ZFHX3: variants seen among roughly 807,000 people sequenced by gnomAD.
ZFHX3 encodes zinc finger homeobox protein 3.
A neutral mutation model predicts 279.1 loss-of-function variants in ZFHX3; 42 were observed. That is an observed-to-expected ratio of 0.15 (90% CI 0.12 to 0.19). The LOEUF is 0.19. Ranked by LOEUF, ZFHX3 falls within the 10% of genes least tolerant of loss-of-function variation. The pLI is 1.00. For synonymous variants in ZFHX3, 2,293 were observed against 1,957.8 expected (o/e 1.17, Z -4.52); for missense variants, 4,981 against 4,754.0 (o/e 1.05, Z -1.40).
rs199915988 is a variant in ZFHX3, at chr16:72,794,469, G to T, written c.8213C>A (p.Ala2738Asp). 4.3e-6 allele frequency: 7 copies of T among 1,614,104 alleles called. No individual in the cohort carries two copies. Among genetic ancestry groups the T allele is most frequent in the Non-Finnish European group, 5.9e-6 (7 of 1,180,054 alleles). ...AHIRSRHWHE[A>D]KRAGYNLTLS... is the part of the protein sequence containing the mutation. The stretch of plus-strand genomic sequence containing the variant: ...AGTTAGGTTGTAGCCAGCTCTCTTG[G>T]CTTCATGCCAGTGACGGGACCGGAT... The change falls in exon 9 of 10, where the codon GCC becomes GAC. Residue 2738 changes from alanine to aspartate, a missense_variant. Ala to Asp is a moderately radical substitution (Grantham distance 126). This residue lies in a region of ZFHX3 where 744 missense variants were observed against 701.3 expected (regional missense o/e 1.06). Coordinates refer to ENST00000268489, the MANE Select transcript of ZFHX3 (RefSeq NM_006885.4). This position sits in a 1 kb window ranked among gnomAD's most constrained non-coding sequence, Gnocchi z 4.2.
chr16:73,253,389 A>G (rs912120920), intron 5 of ZFHX3, among the ~76,000 whole-genome samples: 1 of 152,078 alleles, frequency 6.6e-6, no homozygotes, highest in African/African-American at 2.4e-5. Flanking sequence ...CCTGAGGACC[A>G]CCTGATCTTG....
At chr16:73,719,633 A>T (rs771891035) in intron 1 of ZFHX3, among the ~76,000 whole-genome samples, 2 of 152,000 alleles carry the variant, frequency 1.3e-5, no homozygotes, top group African/African-American at 2.4e-5. Context: ...TATTTCATTT[A>T]TTTATTTTTT....
intron 1 of ZFHX3, among the ~76,000 whole-genome samples, chr16:73,708,906 T>A (rs570143529): frequency 6.6e-6 from 1 of 152,298 alleles, no homozygotes; most frequent in East Asian, 1.9e-4. Context: ...GACATGGCGC[T>A]CACTTTCCGT....
At chr16:73,115,513 G>A (rs922721353) in intron 7 of ZFHX3, among the ~76,000 whole-genome samples, 1 of 152,000 alleles carries the variant, frequency 6.6e-6, no homozygotes, top group African/African-American at 2.4e-5. Context: ...TCATGCCACT[G>A]CACTCCAGCC....
intron 3 of ZFHX3, among the ~76,000 whole-genome samples, chr16:72,941,636 T>C (rs915113694): frequency 3.3e-5 from 5 of 151,650 alleles, no homozygotes; most frequent in Admixed American, 6.6e-5. Context: ...CTGGGCAACA[T>C]AGTGAGACCC....
At chr16:73,513,729 A>G (rs760146963) in intron 2 of ZFHX3, among the ~76,000 whole-genome samples, 34 of 152,164 alleles carry the variant, frequency 2.2e-4, no homozygotes, top group Non-Finnish European at 1.5e-4. Flanking sequence ...AAGGAGGAAG[A>G]TTGCAAGATT....
chr16:73,467,366 C>T (rs1390621619), intron 2 of ZFHX3, among the ~76,000 whole-genome samples: 1 of 152,202 alleles, frequency 6.6e-6, no homozygotes, highest in African/African-American at 2.4e-5. Context: ...CCTATGTGGA[C>T]TCTAGGTCAC....
chr16:73,413,295 G>C (rs187412993), intron 3 of ZFHX3, among the ~76,000 whole-genome samples: 58 of 152,360 alleles, frequency 3.8e-4, no homozygotes, highest in African/African-American at 1.4e-3. Context: ...GAGTGAGAAA[G>C]TTCAAAGGAA....
At chr16:73,359,370 G>A (rs2016397800) in intron 3 of ZFHX3, among the ~76,000 whole-genome samples, 1 of 152,174 alleles carries the variant, frequency 6.6e-6, no homozygotes, top group Admixed American at 6.5e-5. Context: ...CTTGGCTGGA[G>A]TGGAAGGTGA....
intron 1 of ZFHX3, among the ~76,000 whole-genome samples, chr16:73,853,436 C>T (rs976141936): frequency 2.1e-4 from 32 of 152,128 alleles, no homozygotes; most frequent in Admixed American, 1.8e-3. Context: ...CCTAAGTATC[C>T]ATCAACAGTT....
At chr16:72,915,138 C>T (rs893194915) in intron 3 of ZFHX3, among the ~76,000 whole-genome samples, 3 of 152,060 alleles carry the variant, frequency 2.0e-5, no homozygotes, top group African/African-American at 7.2e-5. Context: ...AACAAATGTC[C>T]CCTACCTGCA....
chr16:73,675,498 A>G (rs2052945264), intron 2 of ZFHX3, among the ~76,000 whole-genome samples: 1 of 152,128 alleles, frequency 6.6e-6, no homozygotes, highest in Non-Finnish European at 1.5e-5. Flanking sequence ...TGGGCTCTGT[A>G]TCTATATACC....
At chr16:73,508,121 G>A (rs542445504) in intron 2 of ZFHX3, among the ~76,000 whole-genome samples, 5 of 152,212 alleles carry the variant, frequency 3.3e-5, no homozygotes, top group South Asian at 2.1e-4. Flanking sequence ...ATATCAAATC[G>A]AGGCTCACAG....
At chr16:73,511,304 T>C (rs192168209) in intron 2 of ZFHX3, among the ~76,000 whole-genome samples, 127 of 152,322 alleles carry the variant, frequency 8.3e-4, no homozygotes, top group Admixed American at 2.4e-3. Flanking sequence ...TTTCCCACCA[T>C]GACCTCACTC....
intron 2 of ZFHX3, among the ~76,000 whole-genome samples, chr16:73,650,884 T>C (rs527315589): frequency 6.6e-6 from 1 of 152,008 alleles, no homozygotes; most frequent in Non-Finnish European, 1.5e-5. Context: ...GCAAGTATGT[T>C]AGGGAAAAAT....
At chr16:73,353,107 A>C (rs1012411172) in intron 3 of ZFHX3, among the ~76,000 whole-genome samples, 2 of 152,204 alleles carry the variant, frequency 1.3e-5, no homozygotes, top group Non-Finnish European at 2.9e-5. Flanking sequence ...ACCATGAGAG[A>C]AATTGATCAT....
At position 73,411,157 on chromosome 16, in the gene ZFHX3, G is replaced by A. The variant is rs2017457791; in HGVS notation, c.-1291+44846C>T. Among the ~76,000 whole-genome samples, 5 of 152,268 alleles carry A rather than the reference G, an allele frequency of 3.3e-5. 2 individuals are homozygous for A. In the South Asian group the frequency reaches 1.0e-3, roughly 32 times the overall value. The stretch of plus-strand genomic sequence containing the variant: ...GTGACAGAGAATCCGAAGAGACTGG[G>A]AACAACCACAAGCTAGAGTTGACTT... On this transcript the variant is annotated intron_variant, in intron 3 of 17. Coordinates refer to the ZFHX3 transcript ENST00000641206.
intron 6 of ZFHX3, among the ~76,000 whole-genome samples, chr16:73,132,077 G>A (rs1567397281): frequency 6.6e-6 from 1 of 152,094 alleles, no homozygotes; most frequent in Non-Finnish European, 1.5e-5. Context: ...CTTGAGGCCA[G>A]GAGTTCAAGA....
chr16:73,029,713 T>A (rs897336369), intron 1 of ZFHX3, among the ~76,000 whole-genome samples: 1 of 152,216 alleles, frequency 6.6e-6, no homozygotes, highest in South Asian at 2.1e-4. Context: ...GGGAACTCGA[T>A]CAGCCCCACT....
Sources: allele counts gnomAD v4.1 joint callset (sites outside exome capture counted in the v4.1 genomes callset), GRCh38; gene constraint gnomAD v4.1.1; regional missense constraint gnomAD v4.1.1; non-coding constraint Gnocchi (gnomAD v3.1); transcripts MANE v1.5; gene names NCBI Gene and HGNC (gene_info 2026-07-23, HGNC 2026-07-21).